Variants in CYP7B1 observed in about 807,000 individuals in gnomAD.
The protein encoded by CYP7B1 is cytochrome P450 family 7 subfamily B member 1, also known as cytochrome P450 7B1.
CYP7B1 carries 29 observed loss-of-function variants against 42.7 expected under a neutral mutation model. The ratio of observed to expected loss-of-function variants is 0.68; its 90% CI spans 0.51 to 0.93. The LOEUF is 0.93. Among genes scored for constraint, CYP7B1 ranks in the 40% least tolerant of loss-of-function variants. The probability of loss-of-function intolerance (pLI) is 0.00; values close to 1 mark genes in which losing one functional copy is unlikely to be tolerated. For missense variants in CYP7B1, 655 were observed against 600.5 expected, an observed-to-expected ratio of 1.09 and a Z score of -0.95; for synonymous variants, 235 against 218.2, an observed-to-expected ratio of 1.08 and a Z score of -0.68.
chr8:64,587,352 C>G (rs1053997663), downstream of CYP7B1, among the ~76,000 whole-genome samples: 2 of 152,214 alleles, frequency 1.3e-5, no homozygotes, highest in African/African-American at 2.4e-5. Flanking sequence ...CCCCTGCGGG[C>G]GCAATTGTCC....
At chr8:64,640,336 T>C (rs1805834482) in intron 1 of CYP7B1, among the ~76,000 whole-genome samples, 1 of 152,128 alleles carries the variant, frequency 6.6e-6, no homozygotes, top group Admixed American at 6.6e-5. Context: ...CTAAGATTAA[T>C]TTCATATTTC....
intron 1 of CYP7B1, among the ~76,000 whole-genome samples, chr8:64,648,369 G>C (rs1233806720): frequency 6.6e-6 from 1 of 152,148 alleles, no homozygotes; most frequent in African/African-American, 2.4e-5. Context: ...AAAGGAATAT[G>C]GTTGTTAAAG....
At chr8:64,601,279 G>T (rs779981142) in intron 5 of CYP7B1, among the ~76,000 whole-genome samples, 3 of 152,098 alleles carry the variant, frequency 2.0e-5, no homozygotes, top group Non-Finnish European at 2.9e-5. Context: ...AGCTTTTGGG[G>T]GATATTCCAA....
chr8:64,619,569 AT>A (rs1805497240), intron 2 of CYP7B1, among the ~76,000 whole-genome samples: 1 of 152,164 alleles, frequency 6.6e-6, no homozygotes, highest in East Asian at 1.9e-4. Flanking sequence ...TCAGCTCCAA[AT>A]TTTTGATATC....
At chr8:64,698,359 A>G (rs1806863401) in intron 1 of CYP7B1, among the ~76,000 whole-genome samples, 1 of 152,022 alleles carries the variant, frequency 6.6e-6, no homozygotes, top group Admixed American at 6.6e-5. Flanking sequence ...TAAACTACGG[A>G]ATTCTTTCCT....
chr8:64,596,968 G>A, intron 5 of CYP7B1, 39 bp from the exon 6 acceptor site: 1 of 1,547,764 alleles, frequency 6.5e-7, no homozygotes, highest in South Asian at 1.2e-5. Flanking sequence ...CATTTTATAT[G>A]AAATAGTTTG....
chr8:64,645,433 A>T (rs1189489520), intron 1 of CYP7B1, among the ~76,000 whole-genome samples: 1 of 151,968 alleles, frequency 6.6e-6, no homozygotes, highest in African/African-American at 2.4e-5. Context: ...TTGTTTCCTG[A>T]CTTTTTAATG....
intron 1 of CYP7B1, among the ~76,000 whole-genome samples, chr8:64,747,449 C>CTG (rs1807661189): frequency 6.6e-6 from 1 of 151,158 alleles, no homozygotes; most frequent in Non-Finnish European, 1.5e-5. Flanking sequence ...GACCAAAAGC[C>CTG]TTACCAATAA....
At chr8:64,795,587 G>A (rs571873063) in intron 1 of CYP7B1, among the ~76,000 whole-genome samples, 10 of 152,130 alleles carry the variant, frequency 6.6e-5, no homozygotes, top group South Asian at 4.2e-4. Context: ...TGATATTACC[G>A]TTCACTAAAT....
chr8:64,607,398 TAAAA>T (rs5891968), intron 4 of CYP7B1, among the ~76,000 whole-genome samples: 2 of 144,016 alleles, frequency 1.4e-5, no homozygotes, highest in Non-Finnish European at 3.0e-5. Flanking sequence ...GCTCTAGAAT[TAAAA>T]AAAAAAAAAA....
chr8:64,762,987 T>A (rs1330964627), intron 1 of CYP7B1, among the ~76,000 whole-genome samples: 1 of 148,510 alleles, frequency 6.7e-6, no homozygotes, highest in East Asian at 1.9e-4. Flanking sequence ...TCCCACTGTA[T>A]GGGAGCTGTG....
intron 1 of CYP7B1, among the ~76,000 whole-genome samples, chr8:64,736,151 C>A (rs1000618342): frequency 1.3e-5 from 2 of 152,118 alleles, no homozygotes; most frequent in African/African-American, 4.8e-5. Flanking sequence ...TAAACACACA[C>A]CTTGAATGTG....
chr8:64,757,087 C>T (rs1486043955), intron 1 of CYP7B1, among the ~76,000 whole-genome samples: 1 of 152,170 alleles, frequency 6.6e-6, no homozygotes, highest in Non-Finnish European at 1.5e-5. Context: ...AGAGCTCAAG[C>T]ATTGGCCAAA....
intron 1 of CYP7B1, among the ~76,000 whole-genome samples, chr8:64,744,616 T>C (rs2129633344): frequency 6.6e-6 from 1 of 152,312 alleles, no homozygotes; most frequent in East Asian, 1.9e-4. Flanking sequence ...TCCTGGCCCC[T>C]TACATTTGAC....
At chr8:64,650,340 G>A (rs958899991) in intron 1 of CYP7B1, among the ~76,000 whole-genome samples, 1 of 152,144 alleles carries the variant, frequency 6.6e-6, no homozygotes, top group Non-Finnish European at 1.5e-5. Context: ...TCATAGATCA[G>A]TCATATATAG....
chr8:64,654,109 A>G (rs1349194372), intron 1 of CYP7B1, among the ~76,000 whole-genome samples: 1 of 152,228 alleles, frequency 6.6e-6, no homozygotes, highest in Non-Finnish European at 1.5e-5. Flanking sequence ...GAAAACCAGC[A>G]CAAGACAAGG....
chr8:64,755,666 G>A (rs1211155064), intron 1 of CYP7B1, among the ~76,000 whole-genome samples: 1 of 152,094 alleles, frequency 6.6e-6, no homozygotes, highest in African/African-American at 2.4e-5. Context: ...TACAAAGCTG[G>A]ATAGTAAATG....
intron 1 of CYP7B1, among the ~76,000 whole-genome samples, chr8:64,687,449 GT>G (rs1806672687): frequency 6.6e-6 from 1 of 152,090 alleles, no homozygotes; most frequent in African/African-American, 2.4e-5. Context: ...TGCCAACAGA[GT>G]TTTTTCTGGG....
intron 1 of CYP7B1, among the ~76,000 whole-genome samples, chr8:64,686,075 G>A (rs1806634040): frequency 8.0e-6 from 1 of 124,664 alleles, no homozygotes; most frequent in Non-Finnish European, 1.7e-5. Context: ...CCCCCACCCG[G>A]CCAGCCGCCC....
Sources: allele counts gnomAD v4.1 joint callset (sites outside exome capture counted in the v4.1 genomes callset), GRCh38; gene constraint gnomAD v4.1.1; transcripts MANE v1.5; gene names NCBI Gene and HGNC (gene_info 2026-07-23, HGNC 2026-07-21).